The following CNTNAP2 variants were observed in gnomAD, a reference collection of about 807,000 sequenced individuals.
The protein encoded by CNTNAP2 is contactin-associated protein-like 2.
A neutral mutation model predicts 155.2 loss-of-function variants in CNTNAP2; 98 were observed. That is an observed-to-expected ratio of 0.63 (90% CI 0.54 to 0.75). The LOEUF is 0.75. Ranked by LOEUF, CNTNAP2 falls within the 30% of genes least tolerant of loss-of-function variation. The pLI, the probability that CNTNAP2 is intolerant of heterozygous loss-of-function variation, is 0.00. For synonymous variants in CNTNAP2, 651 were observed against 631.2 expected (o/e 1.03, Z -0.47); for missense variants, 1,727 against 1,688.1 (o/e 1.02, Z -0.40).
chr7:148,355,165 G>GTTTT (rs1563055120), intron 21 of CNTNAP2, among the ~76,000 whole-genome samples: 5 of 27,804 alleles, frequency 1.8e-4, no homozygotes, highest in South Asian at 1.7e-3. Context: ...GCCGCCAGCT[G>GTTTT]CTTTTTTTTT....
At chr7:146,896,021 T>C (rs1031938208) in intron 3 of CNTNAP2, among the ~76,000 whole-genome samples, 4 of 152,128 alleles carry the variant, frequency 2.6e-5, no homozygotes, top group African/African-American at 9.7e-5. Context: ...TCGTTTTCCT[T>C]CCTCCAGAAA....
intron 1 of CNTNAP2, among the ~76,000 whole-genome samples, chr7:146,148,669 G>A (rs1332674175): frequency 6.6e-6 from 1 of 152,044 alleles, no homozygotes; most frequent in Non-Finnish European, 1.5e-5. Flanking sequence ...TCAACATGAT[G>A]AGAAAATGAT....
chr7:148,260,721 G>T (rs1461942786), intron 20 of CNTNAP2, among the ~76,000 whole-genome samples: 2 of 152,146 alleles, frequency 1.3e-5, no homozygotes, highest in Non-Finnish European at 2.9e-5. Context: ...ACCTCGGTGG[G>T]TGTCTGACCG....
At chr7:146,166,224 G>T (rs1798310531) in intron 1 of CNTNAP2, among the ~76,000 whole-genome samples, 1 of 152,090 alleles carries the variant, frequency 6.6e-6, no homozygotes, top group South Asian at 2.1e-4. Context: ...CTCCCAAGTA[G>T]CTGGGATTAC....
At chr7:146,446,034 A>T (rs1370759884) in intron 1 of CNTNAP2, among the ~76,000 whole-genome samples, 11 of 152,172 alleles carry the variant, frequency 7.2e-5, no homozygotes, top group Non-Finnish European at 2.9e-5. Flanking sequence ...GAAGAATCAC[A>T]TTAACTCCAG....
chr7:146,512,157 T>A (rs1225836818), intron 1 of CNTNAP2, among the ~76,000 whole-genome samples: 2 of 151,970 alleles, frequency 1.3e-5, no homozygotes, highest in Non-Finnish European at 2.9e-5. Flanking sequence ...ATTTTTTATT[T>A]TATTTATTTA....
At chr7:147,094,369 G>A (rs925625220) in intron 4 of CNTNAP2, among the ~76,000 whole-genome samples, 6 of 150,614 alleles carry the variant, frequency 4.0e-5, no homozygotes, top group Non-Finnish European at 7.4e-5. Context: ...GGTCCATTCA[G>A]AATAATGTAG....
intron 2 of CNTNAP2, among the ~76,000 whole-genome samples, chr7:146,822,819 G>T (rs896816907): frequency 6.8e-5 from 10 of 146,790 alleles, no homozygotes; most frequent in African/African-American, 2.5e-4. Context: ...TCATTCTTCA[G>T]CATATTTAAA....
In CNTNAP2 at chr7:146,605,074, TA is replaced by T. The variant is rs1295202201; in HGVS notation, c.98-169188del. On this transcript the variant is annotated intron_variant, in intron 1 of 23. Transcript: ENST00000361727. ...ATGTACCCTAAAACTTAAAGTATAA[TA>T]AAAAAAAACAACAAAAAAAAAAAGA... Among the ~76,000 whole-genome samples the T allele has an allele frequency of 3.3e-3, 379 of 115,730 alleles. 6 individuals carry two copies. The highest frequency in any genetic ancestry group is 0.012 in the African/African-American group (349 of 29,358). The allele number at this position is 115,730 out of a possible 152,430, so 75.9% of individuals were successfully genotyped here. A position where few individuals can be genotyped will look rare whatever the true frequency, so the allele number is the denominator to read the frequency against.
intron 9 of CNTNAP2, among the ~76,000 whole-genome samples, chr7:147,356,850 CTCTCT>C (rs1796071566): frequency 6.6e-6 from 1 of 151,974 alleles, no homozygotes; most frequent in African/African-American, 2.4e-5. Context: ...GTTTGTGAAA[CTCTCT>C]TCTCTTTTCT....
chr7:148,223,363 G>C (rs1406425598), intron 19 of CNTNAP2, among the ~76,000 whole-genome samples: 1 of 152,186 alleles, frequency 6.6e-6, no homozygotes, highest in Non-Finnish European at 1.5e-5. Flanking sequence ...AAAGCTCCCA[G>C]CACTACATCT....
chr7:148,368,753 T>C (rs887062195), intron 21 of CNTNAP2, among the ~76,000 whole-genome samples: 2 of 151,972 alleles, frequency 1.3e-5, no homozygotes, highest in Admixed American at 1.3e-4. Context: ...TGTGAGAGGG[T>C]CGTGATCTAT....
intron 1 of CNTNAP2, among the ~76,000 whole-genome samples, chr7:146,756,360 T>C (rs1801995356): frequency 6.6e-6 from 1 of 152,020 alleles, no homozygotes; most frequent in African/African-American, 2.4e-5. Flanking sequence ...AACTCTCCAT[T>C]AGCATAGTGG....
At chr7:147,667,805 A>AT (rs1368200654) in intron 13 of CNTNAP2, among the ~76,000 whole-genome samples, 2,496 of 145,922 alleles carry the variant, frequency 0.017, 226 homozygotes, top group Admixed American at 0.16. Context: ...CAAAAAAAAA[A>AT]AATAATAAAA....
chr7:147,448,888 A>G (rs1481416023), intron 10 of CNTNAP2, among the ~76,000 whole-genome samples: 2 of 152,104 alleles, frequency 1.3e-5, no homozygotes, highest in Admixed American at 1.3e-4. Flanking sequence ...AATTTCCCCT[A>G]TTGCTACTTG....
chr7:146,744,227 CAAAAAAA>C lies in CNTNAP2; in HGVS notation c.98-30026_98-30020del, dbSNP rs60606492. Among the ~76,000 whole-genome samples, 18 of 48,162 alleles carry C rather than the reference CAAAAAAA, an allele frequency of 3.7e-4. No individual in the cohort carries two copies. The South Asian group carries it at 8.8e-3, about 24-fold the overall frequency. The allele number at this position is 48,162 out of a possible 152,430, so 31.6% of individuals were successfully genotyped here. A position where few individuals can be genotyped will look rare whatever the true frequency, so the allele number is the denominator to read the frequency against. Reference sequence around the variant, plus strand: ...TGGGTGACAAAGTGACACTCTGTCTCAAAAAAAAAAAAAAAAAAAAAAAAGCATTTAG... The same window carrying C: ...TGGGTGACAAAGTGACACTCTGTCTCAAAAAAAAAAAAAAAAAGCATTTAG... On this transcript the variant is annotated intron_variant, in intron 1 of 23. Transcript: ENST00000361727.
intron 1 of CNTNAP2, among the ~76,000 whole-genome samples, chr7:146,183,562 C>T (rs950972100): frequency 4.6e-5 from 7 of 151,306 alleles, no homozygotes; most frequent in Admixed American, 3.3e-4. Flanking sequence ...CCAGTGCTGC[C>T]GCAGATCTGC....
At chr7:147,703,662 T>C (rs146144615) in intron 13 of CNTNAP2, among the ~76,000 whole-genome samples, 2,514 of 152,318 alleles carry the variant, frequency 0.017, 224 homozygotes, top group Admixed American at 0.15. Context: ...AGTCAGAGTA[T>C]TTAGGGTGTC....
intron 3 of CNTNAP2, among the ~76,000 whole-genome samples, chr7:146,916,650 G>A (rs1796400487): frequency 6.6e-6 from 1 of 151,964 alleles, no homozygotes; most frequent in Non-Finnish European, 1.5e-5. Flanking sequence ...ATGATCTTTT[G>A]TATTTCTGTG....
Sources: allele counts gnomAD v4.1 joint callset (sites outside exome capture counted in the v4.1 genomes callset), GRCh38; gene constraint gnomAD v4.1.1; transcripts MANE v1.5; gene names NCBI Gene and HGNC (gene_info 2026-07-23, HGNC 2026-07-21).